IFT25: variants seen among roughly 807,000 people sequenced by gnomAD.
IFT25 encodes the protein intraflagellar transport 25, also known as intraflagellar transport protein 25 homolog.
the IFT25 span, among the ~76,000 whole-genome samples, chr1:53,929,236 T>C: frequency 6.6e-6 from 1 of 152,190 alleles, no homozygotes; most frequent in African/African-American, 2.4e-5. Flanking sequence ...CAGTGTGACA[T>C]CTTTGACAGT....
the IFT25 span, chr1:53,939,966 A>G: frequency 2.8e-6 from 4 of 1,412,744 alleles, no homozygotes; most frequent in South Asian, 3.5e-5. Context: ...TGTAAACAAC[A>G]AAGTATAGTA....
the IFT25 span, chr1:53,928,322 G>C: frequency 7.3e-7 from 1 of 1,369,080 alleles, no homozygotes; most frequent in Non-Finnish European, 1.0e-6. Flanking sequence ...AGAATCAAAG[G>C]AATATTATCT....
the IFT25 span, among the ~76,000 whole-genome samples, chr1:53,940,734 G>A: frequency 1.3e-5 from 2 of 151,800 alleles, no homozygotes; most frequent in African/African-American, 2.4e-5. Flanking sequence ...TTTAGAAATA[G>A]GGTCTCACTC....
chr1:53,915,630 G>A, the IFT25 span, among the ~76,000 whole-genome samples: 1 of 152,168 alleles, frequency 6.6e-6, no homozygotes, highest in South Asian at 2.1e-4. Flanking sequence ...CGAGGGTAAG[G>A]TGCAGGAACA....
At chr1:53,925,008 T>C in the IFT25 span, among the ~76,000 whole-genome samples, 1 of 152,236 alleles carries the variant, frequency 6.6e-6, no homozygotes, top group Non-Finnish European at 1.5e-5. Flanking sequence ...TTACCCCTTC[T>C]TTCTCCTCTA....
At chr1:53,928,267 T>C in the IFT25 span, 1 of 896,056 alleles carries the variant, frequency 1.1e-6, no homozygotes, top group Non-Finnish European at 1.8e-6. Flanking sequence ...ACAAGGATCA[T>C]TAAAGTCATC....
chr1:53,931,137 C>A, the IFT25 span, among the ~76,000 whole-genome samples: 1 of 152,180 alleles, frequency 6.6e-6, no homozygotes, highest in Non-Finnish European at 1.5e-5. Flanking sequence ...GCTCTGATTT[C>A]TATCACCACC....
At chr1:53,930,286 T>C in the IFT25 span, 1 of 791,258 alleles carries the variant, frequency 1.3e-6, no homozygotes, top group Non-Finnish European at 1.9e-6. Flanking sequence ...CTCTAATCTC[T>C]CTCCAACTTT....
At chr1:53,939,868 T>G in the IFT25 span, 1 of 654,920 alleles carries the variant, frequency 1.5e-6, no homozygotes. Context: ...TATCAGGTAA[T>G]CCACCAAACA....
chr1:53,921,911 G>C, the IFT25 span: 1 of 586,374 alleles, frequency 1.7e-6, no homozygotes, highest in Non-Finnish European at 3.1e-6. Context: ...TAATAGTTGT[G>C]GTACATATCA....
chr1:53,922,422 A>G, the IFT25 span, among the ~76,000 whole-genome samples: 19 of 151,900 alleles, frequency 1.3e-4, no homozygotes, highest in Admixed American at 5.2e-4. Context: ...GTGTCTTTCT[A>G]AAGTATTTTT....
At chr1:53,929,216 C>T in the IFT25 span, among the ~76,000 whole-genome samples, 1 of 152,200 alleles carries the variant, frequency 6.6e-6, no homozygotes, top group South Asian at 2.1e-4. Context: ...TCTCCACTCC[C>T]TCCCTGCTTC....
chr1:53,937,822 C>A, the IFT25 span, among the ~76,000 whole-genome samples: 1 of 152,124 alleles, frequency 6.6e-6, no homozygotes, highest in Non-Finnish European at 1.5e-5. Flanking sequence ...TTCTGTGTAT[C>A]CTTAAAGCAG....
chr1:53,930,426 A>G, the IFT25 span, among the ~76,000 whole-genome samples: 1 of 152,184 alleles, frequency 6.6e-6, no homozygotes, highest in Admixed American at 6.5e-5. Context: ...TATGGCATTT[A>G]AGACTGTAGG....
the IFT25 span, among the ~76,000 whole-genome samples, chr1:53,925,664 CAAA>C: frequency 2.5e-5 from 2 of 81,470 alleles, no homozygotes. Context: ...GACTCAGTCT[CAAA>C]AAAAAAAAAA....
the IFT25 span, among the ~76,000 whole-genome samples, chr1:53,941,925 A>G: frequency 6.6e-6 from 1 of 152,360 alleles, no homozygotes; most frequent in East Asian, 1.9e-4. Flanking sequence ...ACAGAGAAAT[A>G]TGAATTGGGT....
chr1:53,914,477 GTA>G, the IFT25 span, among the ~76,000 whole-genome samples: 7 of 151,578 alleles, frequency 4.6e-5, no homozygotes, highest in East Asian at 1.3e-3. Context: ...ACATATATAT[GTA>G]TATATATAAA....
At chr1:53,921,005 T>C in the IFT25 span, among the ~76,000 whole-genome samples, 1 of 152,024 alleles carries the variant, frequency 6.6e-6, no homozygotes, top group Non-Finnish European at 1.5e-5. Flanking sequence ...AAACCCCTTC[T>C]CTACAAAAAA....
the IFT25 span, among the ~76,000 whole-genome samples, chr1:53,918,014 T>C: frequency 6.6e-6 from 1 of 152,160 alleles, no homozygotes; most frequent in Non-Finnish European, 1.5e-5. Flanking sequence ...CCCTGTAGGA[T>C]GAGCCACATT....
Sources: gnomAD v4.1 joint callset for allele counts (sites outside exome capture counted in the v4.1 genomes callset) on GRCh38, gnomAD v4.1.1 for gene constraint, MANE v1.5 for transcripts, NCBI Gene and HGNC (gene_info 2026-07-23, HGNC 2026-07-21) for gene names.